The following CNPPD1 variants were observed in gnomAD, a reference collection of about 807,000 sequenced individuals.
CNPPD1 encodes cyclin Pas1/PHO80 domain containing 1.
CNPPD1 carries 40 observed loss-of-function variants against 43.7 expected under a neutral mutation model. The observed-to-expected ratio is 0.92, with a 90% CI of 0.71 to 1.19. CNPPD1 has a LOEUF of 1.19. CNPPD1 is among the 50% of genes most tolerant of loss of function. The pLI is 0.00. For missense variants in CNPPD1, 511 were observed against 518.5 expected (o/e 0.99, Z 0.14); for synonymous variants, 208 against 214.3 (o/e 0.97, Z 0.26).
In CNPPD1 at chr2:219,173,135, G is replaced by T; in HGVS notation, c.691-7C>A. The T allele has an allele frequency of 6.4e-7, 1 of 1,560,916 alleles. No individual in the cohort carries two copies. Among genetic ancestry groups the T allele is most frequent in the Non-Finnish European group, 8.6e-7 (1 of 1,157,710 alleles). The stretch of plus-strand genomic sequence containing the variant: ...CAGCTAACAGGCAAGACAGCTGCAG[G>T]AGAGGAGATAAGAAAGAAGGAATCT... On this transcript the variant is annotated splice_region_variant and splice_polypyrimidine_tract_variant and intron_variant, in intron 7 of 7. Transcript: ENST00000360507.
chr2:219,173,302 T>C, intron 7 of CNPPD1, 48 bp downstream of exon 7: 5 of 1,555,136 alleles, frequency 3.2e-6, no homozygotes, highest in Non-Finnish European at 4.4e-6. Context: ...CATCCCACCC[T>C]ACACACCGGC....
rs1380175246 is a variant in CNPPD1 at position 219,172,473 on chromosome 2, G to A, written c.*113C>T. On this transcript the variant is annotated 3_prime_UTR_variant, in exon 8 of 8. Transcript: ENST00000360507. ...CCACCCCATAAGCTCCCACCCAGGA[G>A]GACAGGGGACCTGCCAAGGACCCAG... The A allele has an allele frequency of 1.8e-6, 2 of 1,127,070 alleles. No individual in the cohort carries two copies. Among genetic ancestry groups the A allele is most frequent in the East Asian group, 2.3e-5 (1 of 42,586 alleles). The allele number at this position is 1,127,070 out of a possible 1,614,324, so 69.8% of individuals were successfully genotyped here. A position where few individuals can be genotyped will look rare whatever the true frequency, so the allele number is the denominator to read the frequency against.
At chr2:219,177,298 C>CAA (rs1950191478), upstream of CNPPD1, 1 of 77,882 alleles carries the variant, frequency 1.3e-5, no homozygotes, top group Non-Finnish European at 2.8e-5. Context: ...GGAACGTGGC[C>CAA]AAGCCCCAGG....
rs1950177010 is a variant in CNPPD1, at chr2:219,176,885, C to G, written c.-57G>C. ...ACGGAAGGAAACGAGTTGTAGGGGG[C>G]TCGCGGAGCTGTCCTTGCCCGCCTG... On this transcript the variant is annotated 5_prime_UTR_variant, in exon 1 of 8. Transcript: ENST00000360507. 4 of 1,438,228 alleles carry G rather than the reference C, an allele frequency of 2.8e-6. No individual in the cohort carries two copies. The highest frequency in any genetic ancestry group is 3.8e-6 in the Non-Finnish European group (4 of 1,050,290). 89.1% of individuals were successfully genotyped at this position (1,438,228 alleles called of 1,614,324 possible).
upstream of CNPPD1, chr2:219,176,935 G>T: frequency 1.0e-6 from 1 of 981,748 alleles, no homozygotes; most frequent in Non-Finnish European, 1.5e-6. Context: ...TGCCTCCCCG[G>T]GGCGGGCCGC....
At position 219,176,296 on chromosome 2, in the gene CNPPD1, G is replaced by C. The variant is rs1158936711; in HGVS notation, c.105C>G (p.Ile35Met). 6.2e-7 allele frequency: 1 copy of C among 1,614,054 alleles called. No individual in the cohort carries two copies. Among genetic ancestry groups the C allele is most frequent in the African/African-American group, 1.3e-5 (1 of 74,940 alleles). Residue 35 changes from isoleucine to methionine, a missense_variant, in exon 2 of 8, where the codon ATC becomes ATG. Coordinates refer to ENST00000360507, the MANE Select transcript of CNPPD1 (RefSeq NM_015680.6). ...CCCAGCCATAGTAGAGCCTCCTTCG[G>C]ATCCGGGCACTCAGCTTCTGGTGTC... ...LPGHQKLSAR[I>M]RRRLYYGWDW...
chr2:219,173,066 G>A lies in CNPPD1; in HGVS notation c.753C>T (p.Ala251=), dbSNP rs774038563. 9.9e-6 allele frequency: 16 copies of A among 1,609,496 alleles called. No homozygotes were observed. The highest frequency in any genetic ancestry group is 4.0e-5 in the African/African-American group (3 of 74,850). The part of the protein sequence containing the change: ...SSVALAVASV[A]VIHQSLGLSC... Reference sequence around the variant, plus strand: ...ACAGCCCCAAAGACTGATGTATTACGGCCACCGATGCCACAGCCAGGGCCA... The same window carrying A: ...ACAGCCCCAAAGACTGATGTATTACAGCCACCGATGCCACAGCCAGGGCCA... The change falls in exon 8 of 8, where the codon GCC becomes GCT. Residue 251 remains alanine, a synonymous_variant. Transcript: ENST00000360507.
Position 219,174,192 on chromosome 2 carries a change from T to G in CNPPD1, c.526A>C (p.Thr176Pro). 2.5e-6 allele frequency: 4 copies of G among 1,614,176 alleles called. No homozygotes were observed. Among genetic ancestry groups the G allele is most frequent in the African/African-American group, 2.7e-5 (2 of 75,030 alleles). ...FLSAMDWHLY[T>P]DPREIFEVLS... is the part of the protein sequence containing the mutation. Reference sequence around the variant, plus strand: ...ACCTCAAAGATCTCCCGAGGGTCAGTGTAGAGATGCCAATCCTGTGAGTAC... The same window carrying G: ...ACCTCAAAGATCTCCCGAGGGTCAGGGTAGAGATGCCAATCCTGTGAGTAC... The change falls in exon 6 of 8, where the codon ACT becomes CCT. Residue 176 changes from threonine to proline, a missense_variant. Coordinates refer to ENST00000360507, the MANE Select transcript of CNPPD1 (RefSeq NM_015680.6).
At chr2:219,173,897 C>T (rs1390652559) in intron 6 of CNPPD1, among the ~76,000 whole-genome samples, 1 of 152,184 alleles carries the variant, frequency 6.6e-6, no homozygotes, top group South Asian at 2.1e-4. Flanking sequence ...CAGCCTCACC[C>T]TCCCAGAGTG....
chr2:219,176,924 C>G lies in CNPPD1; in HGVS notation c.-96G>C. The G allele has an allele frequency of 9.1e-7, 1 of 1,094,270 alleles. No homozygotes were observed. The highest frequency in any genetic ancestry group is 1.3e-6 in the Non-Finnish European group (1 of 771,306). The allele number at this position is 1,094,270 out of a possible 1,614,324, so 67.8% of individuals were successfully genotyped here. A position where few individuals can be genotyped will look rare whatever the true frequency, so the allele number is the denominator to read the frequency against. ...CTTGCCCGCCTGTCCACCTGCCAGC[C>G]TGCCTCCCCGGGGCGGGCCGCCGTC... is the stretch of plus-strand genomic sequence containing the variant. On this transcript the variant is annotated 5_prime_UTR_variant, in exon 1 of 8. Transcript: ENST00000360507.
At chr2:219,176,497 G>T in intron 1 of CNPPD1, 166 bp from the exon 2 acceptor site, 1 of 599,738 alleles carries the variant, frequency 1.7e-6, no homozygotes, top group Non-Finnish European at 2.9e-6. Context: ...TGGCAGCCTG[G>T]TCCATAGAGG....
chr2:219,174,335 A>ATAC, intron 5 of CNPPD1, 128 bp from the exon 6 acceptor site: 1 of 913,998 alleles, frequency 1.1e-6, no homozygotes, highest in Non-Finnish European at 1.8e-6. Context: ...CATGTGCCAG[A>ATAC]TACTGTCTCA....
rs765447941 is a variant in CNPPD1, at chr2:219,173,105, T to C, written c.714A>G (p.Ala238=). ...CAGCCAGGGCCACACTGCTCACATATGCCACAGCTAACAGGCAAGACAGCT... is the reference window on the plus strand; with the variant it reads ...CAGCCAGGGCCACACTGCTCACATACGCCACAGCTAACAGGCAAGACAGCT... ...LVKLSCLLAV[A]YVSSVALAVA... Residue 238 remains alanine, a synonymous_variant, in exon 8 of 8, where the codon GCA becomes GCG. Transcript: ENST00000360507. 8.2e-6 allele frequency: 13 copies of C among 1,590,414 alleles called. No individual in the cohort carries two copies. The highest frequency in any genetic ancestry group is 2.2e-5 in the South Asian group (2 of 89,350).
intron 6 of CNPPD1, 140 bp downstream of exon 6, chr2:219,174,006 G>T: frequency 1.2e-6 from 1 of 814,826 alleles, no homozygotes. Flanking sequence ...GGACAGATGG[G>T]TCTGGGAACC....
chr2:219,173,060 T>G lies in CNPPD1; in HGVS notation c.759A>C (p.Ile253=), dbSNP rs749075497. Reference sequence around the variant, plus strand: ...TGCAGGACAGCCCCAAAGACTGATGTATTACGGCCACCGATGCCACAGCCA... The same window carrying G: ...TGCAGGACAGCCCCAAAGACTGATGGATTACGGCCACCGATGCCACAGCCA... ...VALAVASVAV[I]HQSLGLSCIP... Residue 253 remains isoleucine, a synonymous_variant, in exon 8 of 8, where the codon ATA becomes ATC. Transcript: ENST00000360507. The G allele has an allele frequency of 6.2e-7, 1 of 1,610,812 alleles. No individual in the cohort carries two copies. The highest frequency in any genetic ancestry group is 8.5e-7 in the Non-Finnish European group (1 of 1,179,610).
chr2:219,174,702 TGA>T, intron 5 of CNPPD1, 74 bp downstream of exon 5: 1 of 1,507,280 alleles, frequency 6.6e-7, no homozygotes, highest in Non-Finnish European at 8.8e-7. Flanking sequence ...AACAGAAGAC[TGA>T]GAGAGAACAA....
chr2:219,176,722 C>T (rs1359207352), intron 1 of CNPPD1, 38 bp downstream of exon 1: 3 of 1,393,632 alleles, frequency 2.2e-6, no homozygotes, highest in African/African-American at 1.6e-5. Context: ...GGGAGGGGCG[C>T]GCCGGGAGGC....
At position 219,175,110 on chromosome 2, in the gene CNPPD1, T is replaced by C; in HGVS notation, c.261-2A>G. ...GCACATGGGGAGATGCATGCCTCCC[T>C]GGGTGGTAGAAAGGATCACTAATTA... On this transcript the variant is annotated splice_acceptor_variant, in intron 3 of 7. Transcript: ENST00000360507. LOFTEE classifies it high-confidence loss of function. The C allele has an allele frequency of 6.3e-7, 1 of 1,586,684 alleles. No homozygotes were observed. The highest frequency in any genetic ancestry group is 8.6e-7 in the Non-Finnish European group (1 of 1,167,836).
chr2:219,174,397 A>G (rs1950125304), intron 5 of CNPPD1, among the ~76,000 whole-genome samples, 190 bp from the exon 6 acceptor site: 1 of 152,236 alleles, frequency 6.6e-6, no homozygotes, highest in Non-Finnish European at 1.5e-5. Context: ...GTTTCACATT[A>G]TACTCTCCAC....
Sources: gnomAD v4.1 joint callset for allele counts (sites outside exome capture counted in the v4.1 genomes callset) on GRCh38, gnomAD v4.1.1 for gene constraint, MANE v1.5 for transcripts, NCBI Gene and HGNC (gene_info 2026-07-23, HGNC 2026-07-21) for gene names.